The following PSD3 variants were observed in gnomAD, a reference collection of about 807,000 sequenced individuals.
The protein encoded by PSD3 is PH and SEC7 domain-containing protein 3.
In PSD3, 49 loss-of-function variants were observed where a neutral mutation model predicts 105.5. That is an observed-to-expected ratio of 0.46 (90% CI 0.37 to 0.59). The LOEUF (loss-of-function observed/expected upper bound fraction) is 0.59, where lower values mean the gene tolerates loss of function less well. Ranked by LOEUF, PSD3 falls within the 20% of genes least tolerant of loss-of-function variation. The pLI, the probability that PSD3 is intolerant of heterozygous loss-of-function variation, is 0.00. For missense variants in PSD3, 1,561 were observed against 1,263.8 expected (o/e 1.24, Z -3.57); for synonymous variants, 557 against 457.8 (o/e 1.22, Z -2.77).
Position 18,635,010 on chromosome 8 carries a change from C to A in PSD3, c.2217-2204G>T, listed in dbSNP as rs1288562052. On this transcript the variant is annotated intron_variant, in intron 10 of 15. Transcript: ENST00000327040. ...AAGGTTCCCTCATTTATTCTACATT[C>A]ATTAATTGAAATTCTTCTGTAAGTA... Among the ~76,000 whole-genome samples, 3 of 152,124 alleles carry A rather than the reference C, an allele frequency of 2.0e-5. No homozygotes were observed. The East Asian group carries it at 5.8e-4, about 29-fold the overall frequency.
At chr8:19,031,873 T>G (rs534102240) in intron 1 of PSD3, among the ~76,000 whole-genome samples, 1 of 152,342 alleles carries the variant, frequency 6.6e-6, no homozygotes, top group East Asian at 1.9e-4. Flanking sequence ...AGTTTACAGA[T>G]GAGAAAACCC....
chr8:18,772,665 T>C (rs1385851194), intron 8 of PSD3, among the ~76,000 whole-genome samples: 1 of 152,056 alleles, frequency 6.6e-6, no homozygotes, highest in Non-Finnish European at 1.5e-5. Flanking sequence ...CCCACCATCA[T>C]GCCCGGCTAA....
chr8:18,619,871 C>T (rs186689005), intron 11 of PSD3, among the ~76,000 whole-genome samples: 7 of 152,310 alleles, frequency 4.6e-5, no homozygotes, highest in East Asian at 1.9e-4. Flanking sequence ...CCTCCAAAGC[C>T]GTCCTTTGTG....
intron 15 of PSD3, among the ~76,000 whole-genome samples, chr8:18,551,497 A>AT (rs1800766275): frequency 1.3e-5 from 2 of 152,236 alleles, no homozygotes; most frequent in Admixed American, 1.3e-4. Flanking sequence ...AAAAAGGTGC[A>AT]TCATGCTTCA....
At chr8:18,665,830 G>T (rs1341865636) in intron 9 of PSD3, among the ~76,000 whole-genome samples, 1 of 152,174 alleles carries the variant, frequency 6.6e-6, no homozygotes, top group Non-Finnish European at 1.5e-5. Flanking sequence ...CAGCCTGGGT[G>T]AGACAGCGAG....
chr8:19,049,860 G>T (rs1828458471), intron 1 of PSD3, among the ~76,000 whole-genome samples: 1 of 152,140 alleles, frequency 6.6e-6, no homozygotes, highest in South Asian at 2.1e-4. Context: ...CAGATTCCCT[G>T]ACTGGAATCC....
At chr8:18,923,408 G>A (rs1821159043) in intron 2 of PSD3, among the ~76,000 whole-genome samples, 1 of 152,106 alleles carries the variant, frequency 6.6e-6, no homozygotes. Context: ...GAAAATCCTA[G>A]AAATTTTAAG....
intron 1 of PSD3, among the ~76,000 whole-genome samples, chr8:19,073,798 C>CTT (rs71218923): frequency 0.64 from 93,550 of 145,298 alleles, 32,112 homozygotes; most frequent in East Asian, 0.8. Flanking sequence ...TTTTCTTTTT[C>CTT]TTTTTTTTTT....
At chr8:18,690,050 C>T (rs568679285) in intron 9 of PSD3, among the ~76,000 whole-genome samples, 79 of 152,262 alleles carry the variant, frequency 5.2e-4, no homozygotes, top group African/African-American at 1.9e-3. Context: ...ATTCCACGAA[C>T]ACATATCTCT....
chr8:18,993,620 C>T (rs1333464998), intron 1 of PSD3, among the ~76,000 whole-genome samples: 1 of 151,636 alleles, frequency 6.6e-6, no homozygotes, highest in Non-Finnish European at 1.5e-5. Flanking sequence ...GAGCTTATCC[C>T]CCCAATTCAG....
At chr8:18,693,182 T>A (rs6982429) in intron 9 of PSD3, among the ~76,000 whole-genome samples, 16,938 of 152,128 alleles carry the variant, frequency 0.11, 2,528 homozygotes, top group African/African-American at 0.34. Context: ...TACCCCTCAA[T>A]GAGTAGGGAT....
At chr8:19,035,906 CA>C (rs1827927448) in intron 1 of PSD3, among the ~76,000 whole-genome samples, 1 of 151,994 alleles carries the variant, frequency 6.6e-6, no homozygotes, top group Non-Finnish European at 1.5e-5. Flanking sequence ...AGGTGCATAC[CA>C]CTATGCCTGG....
At chr8:18,652,254 T>G (rs970644700) in intron 10 of PSD3, among the ~76,000 whole-genome samples, 1 of 152,020 alleles carries the variant, frequency 6.6e-6, no homozygotes, top group African/African-American at 2.4e-5. Context: ...GAGCTGTATA[T>G]ATATATAGGA....
chr8:18,744,198 T>A (rs758796298), intron 9 of PSD3, among the ~76,000 whole-genome samples: 14 of 152,222 alleles, frequency 9.2e-5, no homozygotes, highest in Admixed American at 7.2e-4. Context: ...CCAAGTATCA[T>A]CCTGTAGGCT....
chr8:18,724,271 G>A (rs1803196750), intron 9 of PSD3, among the ~76,000 whole-genome samples: 1 of 152,024 alleles, frequency 6.6e-6, no homozygotes, highest in African/African-American at 2.4e-5. Context: ...AAATCATATT[G>A]GGCAAAACAA....
At chr8:19,014,069 GC>G (rs1258887597), upstream of PSD3, 1 of 152,864 alleles carries the variant, frequency 6.5e-6, no homozygotes, top group African/African-American at 2.4e-5. This position sits in a 1 kb window ranked among gnomAD's most constrained non-coding sequence, Gnocchi z 4.9. Context: ...CCTGCCTGTT[GC>G]TTTGTCTTCT....
chr8:19,070,179 G>A (rs987791007), intron 1 of PSD3, among the ~76,000 whole-genome samples: 21 of 151,948 alleles, frequency 1.4e-4, no homozygotes, highest in African/African-American at 2.7e-4. Flanking sequence ...TTATGGCTAC[G>A]AGAGGCATAA....
intron 4 of PSD3, among the ~76,000 whole-genome samples, chr8:18,844,435 A>C (rs1333048001): frequency 6.6e-6 from 1 of 152,120 alleles, no homozygotes; most frequent in Non-Finnish European, 1.5e-5. Flanking sequence ...TCCTCTTTTT[A>C]GTTCAAGGTC....
chr8:18,666,345 C>G (rs189428337), intron 9 of PSD3, among the ~76,000 whole-genome samples: 5 of 152,222 alleles, frequency 3.3e-5, no homozygotes, highest in Admixed American at 3.3e-4. Flanking sequence ...GCCACCTCAC[C>G]CAGCTGTGTA....
Sources: gnomAD v4.1 joint callset for allele counts (sites outside exome capture counted in the v4.1 genomes callset) on GRCh38, gnomAD v4.1.1 for gene constraint, Gnocchi (gnomAD v3.1) non-coding constraint, MANE v1.5 for transcripts, NCBI Gene and HGNC (gene_info 2026-07-23, HGNC 2026-07-21) for gene names.